The following EPHB1 variants were observed in gnomAD, a reference collection of about 807,000 sequenced individuals.
The protein encoded by EPHB1 is ephrin type-B receptor 1.
EPHB1 carries 30 observed loss-of-function variants against 94.4 expected under a neutral mutation model. That is an observed-to-expected ratio of 0.32 (90% CI 0.24 to 0.43). The LOEUF is 0.43. EPHB1 is among the 20% of genes least tolerant of loss of function. EPHB1 has a pLI of 1.00. For synonymous variants in EPHB1, 522 were observed against 489.1 expected, an observed-to-expected ratio of 1.07 and a Z score of -0.89; for missense variants, 1,055 against 1,308.3, an observed-to-expected ratio of 0.81 and a Z score of 2.99.
At chr3:135,204,385 C>T (rs1049839030) in intron 12 of EPHB1, among the ~76,000 whole-genome samples, 13 of 151,622 alleles carry the variant, frequency 8.6e-5, no homozygotes, top group Non-Finnish European at 1.6e-4. Flanking sequence ...TTTGTATTTT[C>T]AGTAGAGATG....
At chr3:134,902,902 C>T (rs372602192) in intron 1 of EPHB1, among the ~76,000 whole-genome samples, 1 of 152,300 alleles carries the variant, frequency 6.6e-6, no homozygotes, top group South Asian at 2.1e-4. Context: ...ATCTCTATAA[C>T]GGTTAGTTTA....
rs932662471 is a variant in EPHB1, at chr3:134,986,739, C to A, written c.805+34687C>A. 4.6e-5 allele frequency among the ~76,000 whole-genome samples: 7 copies of A among 151,898 alleles called. No homozygotes were observed. In the East Asian group the frequency reaches 1.4e-3, roughly 29 times the overall value. ...ACACACACACACACACACACACACA[C>A]ACACATCCCAAACAAAAACAAGAGA... On this transcript the variant is annotated intron_variant, in intron 3 of 15. Transcript: ENST00000398015.
intron 3 of EPHB1, 58 bp from the exon 4 acceptor site, chr3:135,106,390 G>A (rs1372000338): frequency 6.3e-7 from 1 of 1,595,332 alleles, no homozygotes; most frequent in Non-Finnish European, 8.6e-7. Flanking sequence ...CGGTTGTAGG[G>A]AAGAGTTTCT....
intron 4 of EPHB1, among the ~76,000 whole-genome samples, chr3:135,128,367 A>G (rs753491355): frequency 2.6e-5 from 4 of 152,216 alleles, no homozygotes; most frequent in African/African-American, 7.2e-5. Context: ...GTGGCTTAGC[A>G]TCTTCCTCCA....
chr3:135,255,810 C>G (rs1379444275), intron 15 of EPHB1, among the ~76,000 whole-genome samples: 1 of 144,222 alleles, frequency 6.9e-6, no homozygotes, highest in African/African-American at 2.6e-5. Context: ...CTAATGTTGA[C>G]AGTGGGGTGT....
rs144231778 is a variant in EPHB1 at position 135,245,159 on chromosome 3, C to T, written c.2497-3157C>T. Among the ~76,000 whole-genome samples the T allele has an allele frequency of 6.7e-3, 1,026 of 152,268 alleles. 12 individuals are homozygous for T. Among genetic ancestry groups the T allele is most frequent in the African/African-American group, 0.022 (920 of 41,544 alleles). ...AGACATCTACTAAAATAGACACAGC[C>T]GTAATGACACCTTCTGTGTGATGAG... On this transcript the variant is annotated intron_variant, in intron 13 of 15. Coordinates refer to ENST00000398015, the MANE Select transcript of EPHB1 (RefSeq NM_004441.5).
At chr3:134,887,309 A>G (rs2108314075) in intron 1 of EPHB1, among the ~76,000 whole-genome samples, 2 of 152,342 alleles carry the variant, frequency 1.3e-5, no homozygotes, top group South Asian at 4.1e-4. Flanking sequence ...GTCCAAGAAG[A>G]CAAGACTGGA....
At chr3:134,911,693 G>A (rs888800444) in intron 1 of EPHB1, among the ~76,000 whole-genome samples, 2 of 152,234 alleles carry the variant, frequency 1.3e-5, no homozygotes, top group Non-Finnish European at 2.9e-5. Context: ...CTTGGAAGAG[G>A]ATGGCAGCAG....
intron 1 of EPHB1, chr3:134,841,402 A>T (rs1226068977): frequency 6.6e-6 from 1 of 152,146 alleles, no homozygotes. Flanking sequence ...GTCACTCTGT[A>T]TGTGGGACAG....
chr3:135,097,535 G>T (rs1332628066), intron 3 of EPHB1, among the ~76,000 whole-genome samples: 1 of 152,118 alleles, frequency 6.6e-6, no homozygotes, highest in Non-Finnish European at 1.5e-5. Flanking sequence ...TCAAGGAAAA[G>T]CACCCCCACC....
At chr3:134,898,591 G>T (rs2038134083) in intron 1 of EPHB1, among the ~76,000 whole-genome samples, 1 of 152,160 alleles carries the variant, frequency 6.6e-6, no homozygotes, top group Non-Finnish European at 1.5e-5. Flanking sequence ...CAGGGCTTCG[G>T]CACAATCTGT....
At chr3:135,106,352 C>T in intron 3 of EPHB1, 96 bp from the exon 4 acceptor site, 2 of 1,421,290 alleles carry the variant, frequency 1.4e-6, no homozygotes, top group East Asian at 2.3e-5. Context: ...TCTCAATGTT[C>T]TTTTTAGAGA....
chr3:134,796,292 C>T (rs952669570), intron 1 of EPHB1: 1 of 157,662 alleles, frequency 6.3e-6, no homozygotes, highest in South Asian at 1.9e-4. Context: ...GGGGACCAGT[C>T]TGGTGGTCCG....
intron 5 of EPHB1, among the ~76,000 whole-genome samples, chr3:135,141,594 C>T (rs935992144): frequency 6.6e-6 from 1 of 152,114 alleles, no homozygotes; most frequent in African/African-American, 2.4e-5. Flanking sequence ...GACTGGGTCC[C>T]TAGAAGGACA....
chr3:134,963,020 C>T (rs1933582920), intron 3 of EPHB1, among the ~76,000 whole-genome samples: 2 of 152,012 alleles, frequency 1.3e-5, no homozygotes, highest in African/African-American at 4.8e-5. Flanking sequence ...GTTTTTGTCC[C>T]CCTGCTCTGT....
chr3:134,918,142 A>G (rs980015556), intron 1 of EPHB1, among the ~76,000 whole-genome samples: 1 of 152,256 alleles, frequency 6.6e-6, no homozygotes, highest in East Asian at 1.9e-4. Flanking sequence ...TCAGATATAT[A>G]AAGTGATAAC....
chr3:134,945,721 A>G (rs1287071617), intron 2 of EPHB1, among the ~76,000 whole-genome samples: 1 of 152,242 alleles, frequency 6.6e-6, no homozygotes, highest in Non-Finnish European at 1.5e-5. Context: ...AGATAATTAC[A>G]GGAAGGAATA....
intron 9 of EPHB1, among the ~76,000 whole-genome samples, chr3:135,169,074 A>G (rs1941734656): frequency 6.6e-6 from 1 of 152,136 alleles, no homozygotes; most frequent in African/African-American, 2.4e-5. Flanking sequence ...AGGAGTAGCT[A>G]TGCCAGGCCA....
intron 3 of EPHB1, among the ~76,000 whole-genome samples, chr3:135,029,739 T>G (rs545677894): frequency 6.6e-6 from 1 of 151,870 alleles, no homozygotes; most frequent in African/African-American, 2.4e-5. Flanking sequence ...TTTGTGGCAT[T>G]CTCTGTATTT....
Sources: allele counts gnomAD v4.1 joint callset (sites outside exome capture counted in the v4.1 genomes callset), GRCh38; gene constraint gnomAD v4.1.1; transcripts MANE v1.5; gene names NCBI Gene and HGNC (gene_info 2026-07-23, HGNC 2026-07-21).